Variants in OPLAH observed in about 807,000 individuals in gnomAD.
OPLAH encodes the protein 5-oxoprolinase.
In OPLAH, 103 loss-of-function variants were observed where a neutral mutation model predicts 122.8. The observed-to-expected ratio is 0.84, with a 90% CI of 0.71 to 0.99. OPLAH has a LOEUF of 0.99. Among genes scored for constraint, OPLAH ranks in the 50% least tolerant of loss-of-function variants. OPLAH has a pLI of 0.00. For synonymous variants in OPLAH, 875 were observed against 796.0 expected (o/e 1.10, Z -1.67); for missense variants, 1,902 against 1,836.5 (o/e 1.04, Z -0.65).
chr8:144,054,980 G>T lies in OPLAH; in HGVS notation c.2409+49C>A, dbSNP rs1458838423. 1.8e-5 allele frequency: 19 copies of T among 1,058,694 alleles called. No individual in the cohort carries two copies. In the African/African-American group the frequency reaches 2.7e-4, roughly 15 times the overall value. 65.6% of individuals were successfully genotyped at this position (1,058,694 alleles called of 1,614,324 possible). A position where few individuals can be genotyped will look rare whatever the true frequency, so the allele number is the denominator to read the frequency against. On this transcript the variant is annotated intron_variant, in intron 17 of 26. Coordinates refer to ENST00000618853, the MANE Select transcript of OPLAH (RefSeq NM_017570.5). ...GGGGCCAGAGCGGGGTGGGGGGGGG[G>T]TGGAGGGTGAGGGAGGGGGATGGAA... is the stretch of plus-strand genomic sequence containing the variant.
At position 144,059,670 on chromosome 8, in the gene OPLAH, G is replaced by C; in HGVS notation, c.292C>G (p.Leu98Val). ...LLERKGERVA[L>V]LVTRGFRDLL... ...TCTCGGAAGCCACGTGTCACCAGCA[G>C]CGCCACCCGCTCCCCCTTCCGCTCC... is the stretch of plus-strand genomic sequence containing the variant. The change falls in exon 3 of 27, where the codon CTG becomes GTG. Residue 98 changes from leucine to valine, a missense_variant. Physicochemically the swap from Leu to Val is conservative, Grantham distance 32. Coordinates refer to ENST00000618853, the MANE Select transcript of OPLAH (RefSeq NM_017570.5). 6.2e-7 allele frequency: 1 copy of C among 1,612,544 alleles called. No homozygotes were observed.
intron 19 of OPLAH, among the ~76,000 whole-genome samples, chr8:144,054,277 C>G (rs1433816137): frequency 6.6e-6 from 1 of 152,122 alleles, no homozygotes; most frequent in East Asian, 1.9e-4. Context: ...AGCCACCCAC[C>G]TTGAAACAGG....
Position 144,055,948 on chromosome 8 carries a change from C to A in OPLAH, c.2097-9G>T. On this transcript the variant is annotated splice_polypyrimidine_tract_variant and intron_variant, in intron 15 of 26. Transcript: ENST00000618853. This position sits in a 1 kb window ranked among gnomAD's most constrained non-coding sequence, Gnocchi z 6.5. The stretch of plus-strand genomic sequence containing the variant: ...GCTCCACCAGGATGGTGCTGGGGAG[C>A]AGAGGGCACAGAGGGCTGCATGGGG... The A allele has an allele frequency of 6.5e-7, 1 of 1,550,320 alleles. No homozygotes were observed. The highest frequency in any genetic ancestry group is 8.7e-7 in the Non-Finnish European group (1 of 1,144,584).
In OPLAH at chr8:144,051,278, C is replaced by A; in HGVS notation, c.*48G>T. On this transcript the variant is annotated 3_prime_UTR_variant, in exon 27 of 27. Transcript: ENST00000618853. ...TCGGAGCACGAACTAGGCGCCGTAGCTGCGTCCCCAGAACCGGGAGACTTA... is the reference window on the plus strand; with the variant it reads ...TCGGAGCACGAACTAGGCGCCGTAGATGCGTCCCCAGAACCGGGAGACTTA... 1 of 1,605,132 alleles carries A rather than the reference C, an allele frequency of 6.2e-7. No homozygotes were observed. The highest frequency in any genetic ancestry group is 8.5e-7 in the Non-Finnish European group (1 of 1,177,102).
chr8:144,053,639 A>T (rs1490688536), intron 19 of OPLAH, among the ~76,000 whole-genome samples: 2 of 151,682 alleles, frequency 1.3e-5, no homozygotes, highest in South Asian at 4.2e-4. Flanking sequence ...GCCCCAGCTC[A>T]CATTGACCAA....
Position 144,055,152 on chromosome 8 carries a change from G to A in OPLAH, c.2286C>T (p.Ser762=). The A allele has an allele frequency of 6.3e-7, 1 of 1,575,616 alleles. No homozygotes were observed. The highest frequency in any genetic ancestry group is 8.6e-7 in the Non-Finnish European group (1 of 1,161,966). The change falls in exon 17 of 27, where the codon TCC becomes TCT. Residue 762 remains serine, a synonymous_variant. Coordinates refer to ENST00000618853, the MANE Select transcript of OPLAH (RefSeq NM_017570.5). The surrounding 1 kb of genome is among the most constrained non-coding windows in gnomAD (Gnocchi z 6.5). The stretch of plus-strand genomic sequence containing the variant: ...AGTCCAGACGCTCCTTGATGTTGGT[G>A]GAGATGGCTGTGCGCTGCAGGATGC... ...MGRILQRTAI[S]TNIKERLDFS...
chr8:144,053,431 C>A (rs1258529951), intron 19 of OPLAH, 38 bp from the exon 20 acceptor site: 4 of 1,554,446 alleles, frequency 2.6e-6, no homozygotes, highest in Non-Finnish European at 3.5e-6. Flanking sequence ...CCTGGCCAAC[C>A]CTGTCTGCAC....
rs116210130 is a variant in OPLAH, at chr8:144,053,753, G to A, written c.2687-360C>T. On this transcript the variant is annotated intron_variant, in intron 19 of 26. Coordinates refer to ENST00000618853, the MANE Select transcript of OPLAH (RefSeq NM_017570.5). ...TGCCACCACCCTCCACCCTGGCCAC[G>A]CCACTTCCCCTGGGCTCCCAGACCT... is the stretch of plus-strand genomic sequence containing the variant. Among the ~76,000 whole-genome samples the A allele has an allele frequency of 3.8e-3, 570 of 151,730 alleles. 4 individuals carry two copies. The highest frequency in any genetic ancestry group is 0.013 in the African/African-American group (533 of 41,350).
intron 25 of OPLAH, 38 bp from the exon 26 acceptor site, chr8:144,051,864 C>CGGGGGT: frequency 9.3e-6 from 2 of 215,568 alleles, no homozygotes; most frequent in Middle Eastern, 2.4e-3. Flanking sequence ...AGACCAGGGG[C>CGGGGGT]GGGGGTGGGG....
Position 144,058,481 on chromosome 8 carries a change from G to C in OPLAH, c.783+15C>G, listed in dbSNP as rs782802711. The C allele has an allele frequency of 2.5e-6, 4 of 1,574,022 alleles. No homozygotes were observed. The highest frequency in any genetic ancestry group is 3.4e-6 in the Non-Finnish European group (4 of 1,163,510). On this transcript the variant is annotated intron_variant, in intron 6 of 26. Coordinates refer to ENST00000618853, the MANE Select transcript of OPLAH (RefSeq NM_017570.5). ...AGGCCCAGGAGTGGGCAGTGGGGGT[G>C]CCTCACAGCCTCACCTTGAGTTGGC...
chr8:144,054,838 G>C lies in OPLAH; in HGVS notation c.2485C>G (p.Leu829Val). 6.2e-7 allele frequency: 1 copy of C among 1,612,260 alleles called. No homozygotes were observed. Among genetic ancestry groups the C allele is most frequent in the South Asian group, 1.1e-5 (1 of 91,074 alleles). Residue 829 changes from leucine (L) to valine (V), a missense_variant, in exon 18 of 27, where the codon CTG becomes GTG. Leu to Val is a conservative substitution (Grantham distance 32). Transcript: ENST00000618853. ...SNHPSAGGSH[L>V]PDLTVITPVF... ...GGTGTGATAACAGTCAGGTCTGGCA[G>C]GTGGCTGCCCCCGGCACTGGGATGG...
chr8:144,060,163 T>G, intron 1 of OPLAH, 78 bp from the exon 2 acceptor site: 1 of 1,065,368 alleles, frequency 9.4e-7, no homozygotes, highest in Non-Finnish European at 1.3e-6. Context: ...TGCGGGGGGT[T>G]CCTGAGGGAG....
upstream of OPLAH, among the ~76,000 whole-genome samples, chr8:144,063,396 G>A (rs1170131878): frequency 7.2e-5 from 11 of 152,352 alleles, no homozygotes; most frequent in Non-Finnish European, 4.4e-5. This position sits in a 1 kb window ranked among gnomAD's most constrained non-coding sequence, Gnocchi z 4.2. Flanking sequence ...CACCACCAGA[G>A]AGCGCAGGGC....
intron 19 of OPLAH, 28 bp downstream of exon 19, chr8:144,054,533 A>C: frequency 1.9e-6 from 3 of 1,546,756 alleles, no homozygotes; most frequent in Non-Finnish European, 2.6e-6. Flanking sequence ...AGCCTACAGA[A>C]GGCCTGCCCC....
chr8:144,059,911 G>A lies in OPLAH; in HGVS notation c.122C>T (p.Ala41Val). The change falls in exon 2 of 27, where the codon GCC (alanine) becomes GTC (valine). Residue 41 changes from alanine to valine, a missense_variant. Transcript: ENST00000618853. ...RVLKLLSEDP[A>V]NYADAPTEGI... ...TTCGGTTGGCGCGTCCGCATAGTTG[G>A]CAGGGTCCTCTGAGAGCAGTTTTAA... 1 of 1,612,824 alleles carries A rather than the reference G, an allele frequency of 6.2e-7. No individual in the cohort carries two copies. Among genetic ancestry groups the A allele is most frequent in the Middle Eastern group, 1.6e-4 (1 of 6,062 alleles).
chr8:144,053,737 C>T (rs1046568402), intron 19 of OPLAH, among the ~76,000 whole-genome samples: 2 of 152,010 alleles, frequency 1.3e-5, no homozygotes, highest in Non-Finnish European at 2.9e-5. Flanking sequence ...CTGCCACCAC[C>T]CTCCACCCTG....
chr8:144,054,998 G>A (rs1357496122), intron 17 of OPLAH, 31 bp downstream of exon 17: 2 of 1,049,246 alleles, frequency 1.9e-6, no homozygotes, highest in Non-Finnish European at 1.3e-6. Flanking sequence ...TGAGGGAGGG[G>A]GATGGAAGGG....
intron 3 of OPLAH, 92 bp from the exon 4 acceptor site, chr8:144,059,171 C>G (rs185270455): frequency 5.8e-5 from 61 of 1,056,940 alleles, no homozygotes; most frequent in Non-Finnish European, 7.7e-5. Flanking sequence ...GTGGCTGTGT[C>G]CCAACAGGCC....
At chr8:144,059,172 CCAACAGGCCGGT>C (rs1554760299) in intron 3 of OPLAH, 93 bp from the exon 4 acceptor site, 1 of 1,055,972 alleles carries the variant, frequency 9.5e-7, no homozygotes, top group East Asian at 2.6e-5. Flanking sequence ...TGGCTGTGTC[CCAACAGGCCGGT>C]CGGCAGGCCC....
Sources: gnomAD v4.1 joint callset for allele counts (sites outside exome capture counted in the v4.1 genomes callset) on GRCh38, gnomAD v4.1.1 for gene constraint, Gnocchi (gnomAD v3.1) non-coding constraint, MANE v1.5 for transcripts, NCBI Gene and HGNC (gene_info 2026-07-23, HGNC 2026-07-21) for gene names.